Variants in FRMPD4 observed in about 807,000 individuals in gnomAD.
FRMPD4 encodes the protein FERM and PDZ domain-containing protein 4.
In FRMPD4, 22 loss-of-function variants were observed where a neutral mutation model predicts 94.1. That is an observed-to-expected ratio of 0.23 (90% CI 0.17 to 0.33). The LOEUF (loss-of-function observed/expected upper bound fraction) is 0.33. Ranked by LOEUF, FRMPD4 falls within the 10% of genes least tolerant of loss-of-function variation. The pLI, the probability that FRMPD4 is intolerant of heterozygous loss-of-function variation, is 1.00. For synonymous variants in FRMPD4, 631 were observed against 548.6 expected (o/e 1.15, Z -2.10); for missense variants, 1,111 against 1,339.9 (o/e 0.83, Z 2.67).
intron 3 of FRMPD4, among the ~76,000 whole-genome samples, chrX:12,017,709 T>C (rs1332015603): frequency 8.9e-6 from 1 of 112,189 alleles, no homozygotes; most frequent in African/African-American, 3.2e-5. Context: ...CTGTTGATAG[T>C]TCAAATTCAA....
chrX:12,463,682 T>TGTGTG (rs60848578), intron 1 of FRMPD4, among the ~76,000 whole-genome samples: 7 of 31,511 alleles, frequency 2.2e-4, no homozygotes, highest in African/African-American at 7.2e-4. Flanking sequence ...TATGTGTGTG[T>TGTGTG]TTTTTTTTTG....
chrX:12,136,476 C>T (rs1031735767), upstream of FRMPD4, among the ~76,000 whole-genome samples: 7 of 111,188 alleles, frequency 6.3e-5, no homozygotes, highest in Non-Finnish European at 1.3e-4. Context: ...TTTAAATTGG[C>T]TTTCTAGAGG....
At chrX:12,244,471 C>T (rs746557112) in intron 1 of FRMPD4, among the ~76,000 whole-genome samples, 1 of 112,087 alleles carries the variant, frequency 8.9e-6, no homozygotes, top group East Asian at 2.8e-4. Context: ...AAGAGGTTCA[C>T]TGTGGACTGC....
At chrX:12,269,313 T>A (rs759199474) in intron 1 of FRMPD4, among the ~76,000 whole-genome samples, 1 of 108,852 alleles carries the variant, frequency 9.2e-6, no homozygotes, top group Admixed American at 9.9e-5. Flanking sequence ...GGAACAATAC[T>A]TACCTCCTCA....
intron 1 of FRMPD4, among the ~76,000 whole-genome samples, chrX:12,354,522 G>A (rs2055865606): frequency 8.9e-6 from 1 of 112,155 alleles, no homozygotes; most frequent in Non-Finnish European, 1.9e-5. Flanking sequence ...CATTTTCATG[G>A]TTTCATGGTT....
chrX:11,968,642 C>T (rs1346017518), intron 3 of FRMPD4, among the ~76,000 whole-genome samples: 1 of 111,230 alleles, frequency 9.0e-6, no homozygotes, highest in Non-Finnish European at 1.9e-5. Flanking sequence ...TCAGATGTTC[C>T]TCATAGGTAA....
intron 3 of FRMPD4, among the ~76,000 whole-genome samples, chrX:12,057,272 C>T (rs1190809037): frequency 2.7e-5 from 3 of 111,266 alleles, no homozygotes; most frequent in Non-Finnish European, 5.7e-5. Flanking sequence ...TCTCTTGTGT[C>T]ATTTCTTACT....
chrX:12,087,264 G>A (rs1316158799), intron 3 of FRMPD4, among the ~76,000 whole-genome samples: 1 of 111,343 alleles, frequency 9.0e-6, no homozygotes, highest in African/African-American at 3.3e-5. Context: ...AGAGGAATGG[G>A]GGCTAAGAGT....
At chrX:11,850,588 G>C (rs2053615426) in intron 1 of FRMPD4, among the ~76,000 whole-genome samples, 1 of 112,413 alleles carries the variant, frequency 8.9e-6, no homozygotes. Flanking sequence ...ACAAGATATG[G>C]TGTATACATA....
At chrX:12,535,374 A>G (rs901638167) in intron 2 of FRMPD4, among the ~76,000 whole-genome samples, 4 of 111,986 alleles carry the variant, frequency 3.6e-5, no homozygotes, top group Admixed American at 9.5e-5. Context: ...AAAACATGTT[A>G]AAAACCCCTG....
intron 1 of FRMPD4, among the ~76,000 whole-genome samples, chrX:11,864,705 G>C (rs1212555847): frequency 1.8e-5 from 2 of 111,278 alleles, no homozygotes; most frequent in Admixed American, 9.6e-5. Flanking sequence ...GAACAAAGAT[G>C]CCTTCCAAAA....
At chrX:12,127,225 G>A (rs767722065) in intron 3 of FRMPD4, among the ~76,000 whole-genome samples, 14 of 111,410 alleles carry the variant, frequency 1.3e-4, no homozygotes, top group African/African-American at 3.3e-4. Context: ...ATATTAGTTC[G>A]TTCTCATGCT....
intron 16 of FRMPD4, 78 bp downstream of exon 16, chrX:12,718,868 G>A (rs1404596197): frequency 1.3e-5 from 8 of 623,130 alleles, no homozygotes; most frequent in Admixed American, 3.0e-5. Flanking sequence ...ACTTAAAAAC[G>A]TAATGTCTGG....
At chrX:12,651,167 C>T (rs1204922073) in intron 4 of FRMPD4, among the ~76,000 whole-genome samples, 2 of 112,196 alleles carry the variant, frequency 1.8e-5, no homozygotes, top group African/African-American at 6.5e-5. Flanking sequence ...AGGGCGCAAG[C>T]AGAAAACATC....
At chrX:11,831,955 T>C (rs886760880) in intron 1 of FRMPD4, among the ~76,000 whole-genome samples, 1 of 112,172 alleles carries the variant, frequency 8.9e-6, no homozygotes, top group African/African-American at 3.2e-5. Flanking sequence ...GAGTGTTTAG[T>C]TGAAATAAAC....
intron 1 of FRMPD4, among the ~76,000 whole-genome samples, chrX:12,326,752 C>T (rs1233367127): frequency 9.0e-6 from 1 of 111,077 alleles, no homozygotes; most frequent in Non-Finnish European, 1.9e-5. Context: ...TTTTCTTGAG[C>T]CCAGGAGTTT....
intron 2 of FRMPD4, among the ~76,000 whole-genome samples, chrX:12,558,556 A>G (rs1459125818): frequency 8.9e-6 from 1 of 112,574 alleles, no homozygotes; most frequent in Non-Finnish European, 1.9e-5. Flanking sequence ...AACATAAACT[A>G]TATTTGCTAA....
chrX:11,950,869 C>A (rs1262887814), intron 3 of FRMPD4, among the ~76,000 whole-genome samples: 2 of 110,087 alleles, frequency 1.8e-5, no homozygotes, highest in Non-Finnish European at 3.8e-5. Flanking sequence ...ACCAGCCTGG[C>A]CAACATGGTG....
In FRMPD4 at chrX:12,722,295, T is replaced by C. The variant is rs956958696; in HGVS notation, c.*437T>C. 1 of 112,182 alleles carries C rather than the reference T, an allele frequency of 8.9e-6. No homozygotes were observed. Among genetic ancestry groups the C allele is most frequent in the African/African-American group, 3.2e-5 (1 of 30,850 alleles). 9.2% of individuals were successfully genotyped at this position (112,182 alleles called of 1,213,427 possible). A position where few individuals can be genotyped will look rare whatever the true frequency, so the allele number is the denominator to read the frequency against. ...ATCACAATGTATATAAAACAGTACT[T>C]ATGTTTTAAAATTATGATTTTTAAG... On this transcript the variant is annotated 3_prime_UTR_variant, in exon 17 of 17. Transcript: ENST00000675598.
Sources: gnomAD v4.1 joint callset for allele counts (sites outside exome capture counted in the v4.1 genomes callset) on GRCh38, gnomAD v4.1.1 for gene constraint, MANE v1.5 for transcripts, NCBI Gene and HGNC (gene_info 2026-07-23, HGNC 2026-07-21) for gene names.